CHIT1: variants seen among roughly 807,000 people sequenced by gnomAD.
CHIT1 encodes chitinase 1.
In CHIT1, 47 loss-of-function variants were observed where a neutral mutation model predicts 52.0. That is an observed-to-expected ratio of 0.90 (90% CI 0.71 to 1.15). The LOEUF (loss-of-function observed/expected upper bound fraction) is 1.15. Ranked by LOEUF, CHIT1 falls within the 50% of genes most tolerant of loss-of-function variation. The probability of loss-of-function intolerance (pLI) is 0.00; values close to 1 mark genes in which losing one functional copy is unlikely to be tolerated. For missense variants in CHIT1, 569 were observed against 583.0 expected, an observed-to-expected ratio of 0.98 and a Z score of 0.25; for synonymous variants, 242 against 228.2, an observed-to-expected ratio of 1.06 and a Z score of -0.54.
In CHIT1 at chr1:203,225,692, CT is replaced by C. The variant is rs753294673; in HGVS notation, c.233del (p.Gln78ArgfsTer6). The C allele has an allele frequency of 1.2e-6, 2 of 1,613,928 alleles. No individual in the cohort carries two copies. Among genetic ancestry groups the C allele is most frequent in the African/African-American group, 2.7e-5 (2 of 74,908 alleles). The part of the protein sequence containing the change: ...TTEWNDETLY[Q>X]EFNGLKKMNP... Reference sequence around the variant, plus strand: ...ACATCTTCTTCAGGCCATTGAACTCCTGGTAGAGAGTCTCGTCATTCCACTC... The same window carrying C: ...ACATCTTCTTCAGGCCATTGAACTCCGGTAGAGAGTCTCGTCATTCCACTC... On this transcript the variant is annotated frameshift_variant, in exon 3 of 11. Coordinates refer to ENST00000367229, the MANE Select transcript of CHIT1 (RefSeq NM_003465.3). LOFTEE classifies it high-confidence loss of function.
intron 2 of CHIT1, among the ~76,000 whole-genome samples, chr1:203,228,232 G>T (rs1176621706): frequency 1.3e-5 from 2 of 152,220 alleles, no homozygotes; most frequent in Non-Finnish European, 2.9e-5. Flanking sequence ...AAACACACAG[G>T]TGCTGCAAGA....
chr1:203,218,403 C>T (rs1358356819), intron 9 of CHIT1, among the ~76,000 whole-genome samples: 8 of 152,130 alleles, frequency 5.3e-5, no homozygotes, highest in African/African-American at 1.2e-4. Context: ...ATTCTCTGTC[C>T]TCTAACCCTG....
chr1:203,223,966 C>T (rs540162695), intron 4 of CHIT1, among the ~76,000 whole-genome samples: 3 of 152,280 alleles, frequency 2.0e-5, no homozygotes, highest in Admixed American at 2.0e-4. Flanking sequence ...TGAATTGTCC[C>T]ACCCCAAACC....
chr1:203,224,486 A>G (rs904561457), intron 4 of CHIT1, among the ~76,000 whole-genome samples: 9 of 152,222 alleles, frequency 5.9e-5, no homozygotes, highest in Admixed American at 2.6e-4. Flanking sequence ...AAAGTTTTAG[A>G]AAGACTGTTT....
At chr1:203,217,704 C>T (rs1023095364) in intron 10 of CHIT1, 35 bp downstream of exon 10, 2 of 1,613,942 alleles carry the variant, frequency 1.2e-6, no homozygotes, top group East Asian at 2.2e-5. Context: ...ACCCCACCTC[C>T]AAATTCCACC....
At chr1:203,229,478 G>T in intron 1 of CHIT1, 134 bp downstream of exon 1, 1 of 966,052 alleles carries the variant, frequency 1.0e-6, no homozygotes, top group Non-Finnish European at 1.6e-6. Context: ...GAGGCATGGA[G>T]AGGGATAAAA....
intron 9 of CHIT1, among the ~76,000 whole-genome samples, chr1:203,218,944 T>G (rs1283606702): frequency 6.6e-6 from 1 of 152,234 alleles, no homozygotes; most frequent in Non-Finnish European, 1.5e-5. Flanking sequence ...CATGTGTATT[T>G]CTCCTCTTCA....
Position 203,217,136 on chromosome 1 carries a change from G to A in CHIT1, c.1157-3C>T, listed in dbSNP as rs1656563150. On this transcript the variant is annotated splice_region_variant and splice_polypyrimidine_tract_variant and intron_variant, in intron 10 of 10. Transcript: ENST00000367229. ...GCCTGAAGGCAAGTATGGAAGACCT[G>A]GGAAGACAGTGAAGATTCAACCAAG... The A allele has an allele frequency of 6.2e-7, 1 of 1,603,116 alleles. No homozygotes were observed. Among genetic ancestry groups the A allele is most frequent in the Non-Finnish European group, 8.5e-7 (1 of 1,179,942 alleles).
At position 203,217,782 on chromosome 1, in the gene CHIT1, G is replaced by A; in HGVS notation, c.1113C>T (p.Asn371=). ...DLDDFAGFSC[N]QGRYPLIQTL... is the part of the protein sequence containing the mutation. ...TCTGGATGAGGGGGTATCGGCCCTG[G>A]TTGCAGGAGAAGCCGGCAAAGTCAT... The change falls in exon 10 of 11, where the codon AAC becomes AAT. Residue 371 remains asparagine, a synonymous_variant. Transcript: ENST00000367229. 6.3e-7 allele frequency: 1 copy of A among 1,596,038 alleles called. No individual in the cohort carries two copies. Among genetic ancestry groups the A allele is most frequent in the Non-Finnish European group, 8.6e-7 (1 of 1,169,288 alleles).
At chr1:203,217,442 TC>T (rs1381458472) in intron 10 of CHIT1, 2 of 1,410,538 alleles carry the variant, frequency 1.4e-6, no homozygotes, top group Non-Finnish European at 1.9e-6. Flanking sequence ...GGAGGCTTTC[TC>T]CCAGGTAAGA....
intron 7 of CHIT1, 82 bp from the exon 8 acceptor site, chr1:203,219,931 C>G (rs910182053): frequency 6.5e-7 from 1 of 1,531,622 alleles, no homozygotes; most frequent in Non-Finnish European, 8.9e-7. Flanking sequence ...AGAGGCAGAG[C>G]TAGGAGGGCA....
intron 7 of CHIT1, 35 bp downstream of exon 7, chr1:203,222,165 CAG>C: frequency 6.2e-7 from 1 of 1,612,742 alleles, no homozygotes; most frequent in Non-Finnish European, 8.5e-7. Flanking sequence ...GCCTGCTGGA[CAG>C]GGGAGTCCTG....
Position 203,219,701 on chromosome 1 carries a change from G to C in CHIT1, c.878C>G (p.Pro293Arg). 1 of 1,614,116 alleles carries C rather than the reference G, an allele frequency of 6.2e-7. No homozygotes were observed. The highest frequency in any genetic ancestry group is 8.5e-7 in the Non-Finnish European group (1 of 1,180,018). ...APATGSGTPG[P>R]FTKEGGMLAY... ...CAGCATCCCTCCTTCCTTGGTGAAG[G>C]GGCCTGGAGTGCCAGACCCTGTGGC... Residue 293 changes from proline (P) to arginine (R), a missense_variant, in exon 8 of 11, where the codon CCC (proline) becomes CGC (arginine). Pro to Arg is a moderately radical substitution (Grantham distance 103). Coordinates refer to ENST00000367229, the MANE Select transcript of CHIT1 (RefSeq NM_003465.3).
chr1:203,229,895 C>CG (rs1657073134), upstream of CHIT1: 1 of 546,500 alleles, frequency 1.8e-6, no homozygotes, highest in African/African-American at 1.9e-5. Context: ...CAGAGGAAAG[C>CG]GGGAAGTGGC....
intron 2 of CHIT1, 123 bp downstream of exon 2, chr1:203,228,410 G>T: frequency 1.9e-6 from 2 of 1,076,546 alleles, no homozygotes; most frequent in Non-Finnish European, 2.8e-6. Flanking sequence ...AGGGGTCTGA[G>T]CTTTGGAAGA....
chr1:203,217,268 C>T (rs1205696018), intron 10 of CHIT1, 135 bp from the exon 11 acceptor site: 3 of 1,567,802 alleles, frequency 1.9e-6, no homozygotes, highest in South Asian at 2.3e-5. Flanking sequence ...CAGCCAGATA[C>T]CCCAGGCAGA....
intron 1 of CHIT1, 29 bp downstream of exon 1, chr1:203,229,583 G>A (rs373054233): frequency 5.1e-5 from 83 of 1,613,656 alleles, no homozygotes; most frequent in East Asian, 8.9e-5. Flanking sequence ...CACAGCTCCC[G>A]AGACCCAGCC....
intron 2 of CHIT1, among the ~76,000 whole-genome samples, chr1:203,227,053 G>A (rs1006908748): frequency 6.6e-6 from 1 of 152,182 alleles, no homozygotes; most frequent in Non-Finnish European, 1.5e-5. Flanking sequence ...GCCCCAGCAG[G>A]GTCTGTCTGT....
intron 6 of CHIT1, 84 bp from the exon 7 acceptor site, chr1:203,222,409 C>T (rs1656772613): frequency 6.3e-7 from 1 of 1,597,694 alleles, no homozygotes; most frequent in Non-Finnish European, 8.5e-7. Flanking sequence ...CCCCTCAGTG[C>T]ATGGCCTAGG....
Sources: gnomAD v4.1 joint callset for allele counts (sites outside exome capture counted in the v4.1 genomes callset) on GRCh38, gnomAD v4.1.1 for gene constraint, MANE v1.5 for transcripts, NCBI Gene and HGNC (gene_info 2026-07-23, HGNC 2026-07-21) for gene names.